NAV3: variants seen among roughly 807,000 people sequenced by gnomAD.
NAV3 encodes the protein pore membrane and/or filament interacting like protein 1.
In NAV3, 87 loss-of-function variants were observed where a neutral mutation model predicts 244.7. That is an observed-to-expected ratio of 0.36 (90% CI 0.30 to 0.42). The LOEUF (loss-of-function observed/expected upper bound fraction) is 0.42, where lower values mean the gene tolerates loss of function less well. Among genes scored for constraint, NAV3 ranks in the 20% least tolerant of loss-of-function variants. The probability of loss-of-function intolerance (pLI) is 1.00; values close to 1 mark genes in which losing one functional copy is unlikely to be tolerated. For synonymous variants in NAV3, 1,126 were observed against 1,042.2 expected (o/e 1.08, Z -1.55); for missense variants, 2,663 against 2,893.3 (o/e 0.92, Z 1.83).
intron 24 of NAV3, among the ~76,000 whole-genome samples, chr12:78,171,923 A>G (rs532520394): frequency 1.3e-5 from 2 of 151,766 alleles, no homozygotes; most frequent in African/African-American, 2.4e-5. Flanking sequence ...AAATTAATGC[A>G]TCACATTCAT....
chr12:77,924,617 C>A (rs1310457677), intron 1 of NAV3, among the ~76,000 whole-genome samples: 1 of 151,990 alleles, frequency 6.6e-6, no homozygotes, highest in Non-Finnish European at 1.5e-5. Context: ...TATAATGTTC[C>A]TTGTAATATA....
At chr12:78,031,848 C>A (rs1879048983) in intron 9 of NAV3, among the ~76,000 whole-genome samples, 1 of 151,288 alleles carries the variant, frequency 6.6e-6, no homozygotes, top group African/African-American at 2.4e-5. Flanking sequence ...AACTAACCTG[C>A]ACAATGTGCA....
intron 2 of NAV3, among the ~76,000 whole-genome samples, chr12:77,626,467 A>G (rs546703077): frequency 1.3e-5 from 2 of 152,292 alleles, no homozygotes; most frequent in African/African-American, 2.4e-5. Flanking sequence ...AGATTCCGAA[A>G]TAGTCTCAAT....
At chr12:77,609,162 C>T (rs1056094084) in intron 2 of NAV3, among the ~76,000 whole-genome samples, 1 of 152,006 alleles carries the variant, frequency 6.6e-6, no homozygotes, top group African/African-American at 2.4e-5. Context: ...GATTTGTGTA[C>T]AATTCTATGC....
chr12:77,704,958 T>A (rs1875726211), intron 2 of NAV3, among the ~76,000 whole-genome samples: 1 of 152,240 alleles, frequency 6.6e-6, no homozygotes, highest in South Asian at 2.1e-4. Context: ...GATACTATTT[T>A]AGAAACTCTG....
intron 2 of NAV3, among the ~76,000 whole-genome samples, chr12:77,750,105 G>A (rs1868766934): frequency 6.6e-6 from 1 of 152,208 alleles, no homozygotes; most frequent in Admixed American, 6.5e-5. Flanking sequence ...TGTAATCCCA[G>A]CACTTTGGGA....
rs149072408 is a variant in NAV3, at chr12:78,084,785, T to C, written c.2636+25670T>C. 3.5e-3 allele frequency among the ~76,000 whole-genome samples: 534 copies of C among 152,326 alleles called. 4 individuals are homozygous for C. Among genetic ancestry groups the C allele is most frequent in the Non-Finnish European group, 6.5e-3 (440 of 68,016 alleles). On this transcript the variant is annotated intron_variant, in intron 12 of 39. Transcript: ENST00000397909. ...TTATTAAGGTTAGCAATGGCTTTCA[T>C]TGATATAAAATCGATGTTGCTAAAT...
In NAV3 at chr12:77,586,006, C is replaced by T. The variant is rs150873852; in HGVS notation, c.72+13740C>T. ...TGAGACCCCATCTCTACTAAAAATA[C>T]AAAAAATTAGCCGGGCGTGGTGGCG... is the stretch of plus-strand genomic sequence containing the variant. On this transcript the variant is annotated intron_variant, in intron 2 of 8. Transcript: ENST00000550042. Among the ~76,000 whole-genome samples, 277 of 152,042 alleles carry T rather than the reference C, an allele frequency of 1.8e-3. 7 individuals carry two copies. In the East Asian group the frequency reaches 0.043, roughly 24 times the overall value.
intron 2 of NAV3, among the ~76,000 whole-genome samples, chr12:77,666,902 T>G (rs1873740187): frequency 6.6e-6 from 1 of 152,290 alleles, no homozygotes; most frequent in East Asian, 1.9e-4. Flanking sequence ...CATAACTAAG[T>G]CAAAACATTT....
At chr12:77,677,617 T>C (rs1325581796) in intron 2 of NAV3, among the ~76,000 whole-genome samples, 2 of 152,204 alleles carry the variant, frequency 1.3e-5, no homozygotes, top group African/African-American at 2.4e-5. Context: ...ATCTGTAAAA[T>C]GGACATGTAC....
chr12:78,133,234 A>C (rs967948872), intron 18 of NAV3, among the ~76,000 whole-genome samples: 1 of 152,118 alleles, frequency 6.6e-6, no homozygotes, highest in Non-Finnish European at 1.5e-5. Context: ...TGAGATCTTT[A>C]TGCTGTATGG....
At chr12:77,865,533 T>C (rs1048756475) in intron 1 of NAV3, among the ~76,000 whole-genome samples, 11 of 152,082 alleles carry the variant, frequency 7.2e-5, no homozygotes, top group Non-Finnish European at 1.3e-4. Flanking sequence ...CCCTTTGAAA[T>C]CTATGTGGTT....
intron 2 of NAV3, among the ~76,000 whole-genome samples, chr12:77,726,009 C>T (rs1310858649): frequency 6.6e-6 from 1 of 151,944 alleles, no homozygotes; most frequent in Non-Finnish European, 1.5e-5. Context: ...CTTTTAATTA[C>T]ATTGGGCCTA....
chr12:77,674,389 CTTTT>C (rs375776245), intron 2 of NAV3, among the ~76,000 whole-genome samples: 1 of 146,120 alleles, frequency 6.8e-6, no homozygotes, highest in Admixed American at 6.9e-5. Flanking sequence ...TCAAATTATA[CTTTT>C]TTTTTTTTTT....
At chr12:78,044,479 T>A (rs1475678697) in intron 9 of NAV3, among the ~76,000 whole-genome samples, 1 of 152,200 alleles carries the variant, frequency 6.6e-6, no homozygotes, top group Non-Finnish European at 1.5e-5. Context: ...AAGTCAATGG[T>A]AGCTTTATGG....
chr12:77,824,518 A>T (rs1313650626), intron 2 of NAV3, among the ~76,000 whole-genome samples: 1 of 152,142 alleles, frequency 6.6e-6, no homozygotes, highest in Non-Finnish European at 1.5e-5. Context: ...AGTTTAGAAG[A>T]AACTAAAAAG....
chr12:77,853,795 A>T (rs556534600), intron 1 of NAV3, among the ~76,000 whole-genome samples: 103 of 152,356 alleles, frequency 6.8e-4, no homozygotes, highest in Non-Finnish European at 1.2e-3. Flanking sequence ...TTAATATTTC[A>T]TAAGGTATAA....
At chr12:78,068,452 G>A (rs1023935023) in intron 12 of NAV3, among the ~76,000 whole-genome samples, 58 of 150,788 alleles carry the variant, frequency 3.8e-4, no homozygotes, top group Non-Finnish European at 2.7e-4. Context: ...TTAATTCAAT[G>A]TATAATGGTA....
chr12:77,948,651 A>G (rs1890586310), intron 3 of NAV3, among the ~76,000 whole-genome samples: 1 of 151,062 alleles, frequency 6.6e-6, no homozygotes, highest in Non-Finnish European at 1.5e-5. Flanking sequence ...GGTGTTTTTA[A>G]GGAACTTATT....
Sources: gnomAD v4.1 joint callset for allele counts (sites outside exome capture counted in the v4.1 genomes callset) on GRCh38, gnomAD v4.1.1 for gene constraint, MANE v1.5 for transcripts, NCBI Gene and HGNC (gene_info 2026-07-23, HGNC 2026-07-21) for gene names.